The following AOPEP variants were observed in gnomAD, a reference collection of about 807,000 sequenced individuals.
The protein encoded by AOPEP is aminopeptidase O (putative).
AOPEP carries 77 observed loss-of-function variants against 98.1 expected under a neutral mutation model. That is an observed-to-expected ratio of 0.78 (90% confidence interval 0.65 to 0.95). The LOEUF (loss-of-function observed/expected upper bound fraction) is 0.95. Ranked by LOEUF, AOPEP falls within the 40% of genes least tolerant of loss-of-function variation. The pLI is 0.00. For missense variants in AOPEP, 1,024 were observed against 1,024.7 expected (o/e 1.00, Z 0.01); for synonymous variants, 346 against 365.3 (o/e 0.95, Z 0.60).
intron 5 of AOPEP, among the ~76,000 whole-genome samples, chr9:94,918,843 G>A (rs767117424): frequency 2.6e-5 from 4 of 152,048 alleles, no homozygotes; most frequent in Non-Finnish European, 4.4e-5. Context: ...TCTCTCTGCC[G>A]TAGTCACATT....
chr9:95,031,293 CT>C (rs1345319428), intron 13 of AOPEP, among the ~76,000 whole-genome samples: 3 of 152,234 alleles, frequency 2.0e-5, no homozygotes, highest in African/African-American at 7.2e-5. Context: ...GTCGGTCTGT[CT>C]TTGTTCTTCA....
chr9:95,124,956 C>T, the AOPEP span: 1 of 787,652 alleles, frequency 1.3e-6, no homozygotes, highest in Admixed American at 2.0e-5. Flanking sequence ...TTGGGGCACT[C>T]ATTAGGAACC....
chr9:94,821,884 A>G (rs941066475), intron 5 of AOPEP, among the ~76,000 whole-genome samples: 4 of 152,072 alleles, frequency 2.6e-5, no homozygotes, highest in African/African-American at 9.7e-5. Flanking sequence ...CAGCATGGCA[A>G]GTTTTTTTTT....
the AOPEP span, among the ~76,000 whole-genome samples, chr9:95,120,568 C>T: frequency 1.4e-4 from 22 of 152,032 alleles, no homozygotes; most frequent in Non-Finnish European, 2.5e-4. Context: ...CATGCATCAC[C>T]ATGCCCAGCT....
chr9:94,834,354 A>C (rs1490605531), intron 5 of AOPEP, among the ~76,000 whole-genome samples: 1 of 152,254 alleles, frequency 6.6e-6, no homozygotes. Context: ...GGCCTTATTT[A>C]GATCCCAATT....
chr9:94,985,662 G>A (rs1053269928), intron 11 of AOPEP, among the ~76,000 whole-genome samples: 4 of 152,128 alleles, frequency 2.6e-5, no homozygotes, highest in South Asian at 2.1e-4. Flanking sequence ...TATGAACTAC[G>A]ATATGTTTGC....
At position 94,924,082 on chromosome 9, in the gene AOPEP, C is replaced by T. The variant is rs978431025; in HGVS notation, c.1461C>T (p.Gly487=). Residue 487 remains glycine, a synonymous_variant, in exon 6 of 17, where the codon GGC becomes GGT. Coordinates refer to ENST00000375315, the MANE Select transcript of AOPEP (RefSeq NM_001193329.3). The part of the protein sequence containing the change: ...LCHEIAHAWF[G]LAIGARDWTE... ...ATGAAATTGCCCATGCCTGGTTTGG[C>T]CTAGCCATCGGGGCCCGAGACTGGA... is the stretch of plus-strand genomic sequence containing the variant. 1.3e-6 allele frequency: 2 copies of T among 1,523,464 alleles called. No homozygotes were observed. The highest frequency in any genetic ancestry group is 2.8e-5 in the African/African-American group (2 of 71,894). 94.4% of individuals were successfully genotyped at this position (1,523,464 alleles called of 1,614,324 possible).
intron 5 of AOPEP, among the ~76,000 whole-genome samples, chr9:94,820,112 A>C (rs1852719663): frequency 6.6e-6 from 1 of 151,552 alleles, no homozygotes; most frequent in Admixed American, 6.6e-5. Flanking sequence ...CGCCCAGCTG[A>C]TTTTTGTATT....
chr9:95,118,000 T>C, the AOPEP span, among the ~76,000 whole-genome samples: 2 of 151,838 alleles, frequency 1.3e-5, no homozygotes, highest in Admixed American at 1.3e-4. Flanking sequence ...GGGATTACAG[T>C]GAGCCACCAT....
At position 95,005,215 on chromosome 9, in the gene AOPEP, G is replaced by T; in HGVS notation, c.2035G>T (p.Ala679Ser). The change falls in exon 12 of 17, where the codon GCC (alanine) becomes TCC (serine). Residue 679 changes from alanine (A) to serine (S), a missense_variant. Physicochemically the swap from Ala to Ser is moderately conservative, Grantham distance 99 (BLOSUM62 1). Transcript: ENST00000375315. Reference protein sequence around the residue: ...AECGLARQVRAEVTKWIGVNR... With the variant: ...AECGLARQVRSEVTKWIGVNR... ...GTGCGGGCTTGCGCGGCAAGTGCGC[G>T]CCGAGGTGAGTGCGGGCGGCGCGGT... 1 of 1,116,032 alleles carries T rather than the reference G, an allele frequency of 9.0e-7. No individual in the cohort carries two copies. Among genetic ancestry groups the T allele is most frequent in the Non-Finnish European group, 1.1e-6 (1 of 913,774 alleles). The allele number at this position is 1,116,032 out of a possible 1,614,324, so 69.1% of individuals were successfully genotyped here.
intron 7 of AOPEP, among the ~76,000 whole-genome samples, chr9:94,953,549 G>A (rs1232710856): frequency 2.6e-5 from 4 of 152,154 alleles, no homozygotes; most frequent in African/African-American, 2.4e-5. Flanking sequence ...TATTATTTCA[G>A]TTATTCTCTG....
chr9:94,894,720 A>G lies in AOPEP; in HGVS notation c.1365-29266A>G, dbSNP rs187187562. Among the ~76,000 whole-genome samples the G allele has an allele frequency of 2.2e-4, 33 of 152,342 alleles. No individual in the cohort carries two copies. In the East Asian group the frequency reaches 2.5e-3, roughly 12 times the overall value. ...TTATGACCAGCAAAATACTAATGCC[A>G]TAACCTGACAAGTTAGACAGAACAA... On this transcript the variant is annotated intron_variant, in intron 5 of 16. Coordinates refer to ENST00000375315, the MANE Select transcript of AOPEP (RefSeq NM_001193329.3).
At chr9:94,798,376 G>C (rs1847502763) in intron 4 of AOPEP, among the ~76,000 whole-genome samples, 2 of 152,132 alleles carry the variant, frequency 1.3e-5, no homozygotes. Context: ...AACTTGCCTT[G>C]TTCCTGATTG....
chr9:94,844,501 A>G (rs1486019430), intron 5 of AOPEP, among the ~76,000 whole-genome samples: 1 of 152,180 alleles, frequency 6.6e-6, no homozygotes, highest in Non-Finnish European at 1.5e-5. Context: ...TGGTGACAAC[A>G]TTCAAAATCT....
At chr9:95,048,705 T>C (rs1211662693) in intron 13 of AOPEP, 1 of 152,214 alleles carries the variant, frequency 6.6e-6, no homozygotes, top group Non-Finnish European at 1.5e-5. Context: ...GGGACGTTGC[T>C]GAGTGGCTAC....
chr9:94,761,110 A>AC (rs147138805), intron 2 of AOPEP, among the ~76,000 whole-genome samples: 37 of 151,136 alleles, frequency 2.4e-4, no homozygotes, highest in East Asian at 5.8e-4. Flanking sequence ...ATGTAACGTG[A>AC]CCCCCCCCAA....
chr9:95,137,458 C>T, the AOPEP span, among the ~76,000 whole-genome samples: 1 of 152,104 alleles, frequency 6.6e-6, no homozygotes, highest in African/African-American at 2.4e-5. Flanking sequence ...TGTCCAGGAC[C>T]CACCGGCAGG....
intron 5 of AOPEP, among the ~76,000 whole-genome samples, chr9:94,884,734 G>C (rs573167700): frequency 1.3e-5 from 2 of 152,056 alleles, no homozygotes; most frequent in African/African-American, 2.4e-5. Flanking sequence ...GGCACTGGCC[G>C]GGCGCGGTGG....
chr9:95,108,115 G>C, the AOPEP span, among the ~76,000 whole-genome samples: 1 of 152,188 alleles, frequency 6.6e-6, no homozygotes, highest in African/African-American at 2.4e-5. Flanking sequence ...TCCCATGACC[G>C]ATTTTATGGA....
Sources: gnomAD v4.1 joint callset for allele counts (sites outside exome capture counted in the v4.1 genomes callset) on GRCh38, gnomAD v4.1.1 for gene constraint, MANE v1.5 for transcripts, NCBI Gene and HGNC (gene_info 2026-07-23, HGNC 2026-07-21) for gene names.